The following DUSP16 variants were observed in gnomAD, a reference collection of about 807,000 sequenced individuals.
DUSP16 encodes dual specificity phosphatase 16, also known as dual specificity protein phosphatase 16.
DUSP16 carries 21 observed loss-of-function variants against 58.3 expected under a neutral mutation model. The observed-to-expected ratio is 0.36, with a 90% CI of 0.26 to 0.52. The LOEUF (loss-of-function observed/expected upper bound fraction) is 0.52, where lower values mean the gene tolerates loss of function less well. DUSP16 is among the 20% of genes least tolerant of loss of function. The pLI, the probability that DUSP16 is intolerant of heterozygous loss-of-function variation, is 0.94. For missense variants in DUSP16, 726 were observed against 819.0 expected, an observed-to-expected ratio of 0.89 and a Z score of 1.39; for synonymous variants, 320 against 323.8, an observed-to-expected ratio of 0.99 and a Z score of 0.12.
chr12:12,549,817 G>C (rs1944699732), intron 1 of DUSP16, among the ~76,000 whole-genome samples: 1 of 150,172 alleles, frequency 6.7e-6, no homozygotes, highest in African/African-American at 2.4e-5. Flanking sequence ...ACTTTTTTAT[G>C]TTATAAAGTG....
chr12:12,510,262 G>A (rs1414029885), intron 3 of DUSP16, among the ~76,000 whole-genome samples: 1 of 152,132 alleles, frequency 6.6e-6, no homozygotes, highest in East Asian at 1.9e-4. Flanking sequence ...AATGGATAAT[G>A]AAATGAGATT....
chr12:12,525,048 A>AT (rs1232678637), intron 1 of DUSP16, among the ~76,000 whole-genome samples: 2 of 152,170 alleles, frequency 1.3e-5, no homozygotes, highest in African/African-American at 2.4e-5. Flanking sequence ...TATTCCAAAG[A>AT]TTTTTTTAAA....
Position 12,477,534 on chromosome 12 carries a change from A to T in DUSP16, c.1297T>A (p.Ser433Thr). ...TTGTTGGTCCCATCCAGAGTAGTGGAAGGTTTGTAGTATTCCAAAGCATCT... is the reference window on the plus strand; with the variant it reads ...TTGTTGGTCCCATCCAGAGTAGTGGTAGGTTTGTAGTATTCCAAAGCATCT... ...SEDALEYYKP[S>T]TTLDGTNKLC... The change falls in exon 7 of 7, where the codon TCC becomes ACC. Residue 433 changes from serine to threonine, a missense_variant. Ser to Thr is a moderately conservative substitution (Grantham distance 58, BLOSUM62 1). Coordinates refer to ENST00000298573, the MANE Select transcript of DUSP16 (RefSeq NM_030640.3). This position sits in a 1 kb window ranked among gnomAD's most constrained non-coding sequence, Gnocchi z 4.1. The T allele has an allele frequency of 6.2e-7, 1 of 1,607,476 alleles. No individual in the cohort carries two copies. Among genetic ancestry groups the T allele is most frequent in the Non-Finnish European group, 8.5e-7 (1 of 1,175,862 alleles).
At chr12:12,542,388 GAA>G (rs56822339) in intron 1 of DUSP16, among the ~76,000 whole-genome samples, 39,447 of 109,724 alleles carry the variant, frequency 0.36, 6,289 homozygotes, top group East Asian at 0.46. Flanking sequence ...AAAGAAAAGA[GAA>G]AAAAAAAAAA....
intron 1 of DUSP16, among the ~76,000 whole-genome samples, chr12:12,531,577 A>G (rs1332162406): frequency 6.6e-6 from 1 of 152,244 alleles, no homozygotes; most frequent in Non-Finnish European, 1.5e-5. Context: ...ATGCATGAAA[A>G]AAGTCTACAC....
At chr12:12,558,762 G>A (rs1327828854) in intron 1 of DUSP16, among the ~76,000 whole-genome samples, 1 of 146,758 alleles carries the variant, frequency 6.8e-6, no homozygotes, top group East Asian at 2.0e-4. Context: ...CAAGAAGGGC[G>A]TGAAGTTTCA....
chr12:12,533,732 G>A (rs1944425223), intron 1 of DUSP16, among the ~76,000 whole-genome samples: 1 of 152,104 alleles, frequency 6.6e-6, no homozygotes, highest in Non-Finnish European at 1.5e-5. Context: ...AAAAGATACT[G>A]TGGACTAGGA....
At chr12:12,485,779 A>T (rs1592167069) in intron 5 of DUSP16, among the ~76,000 whole-genome samples, 1 of 144,322 alleles carries the variant, frequency 6.9e-6, no homozygotes, top group Admixed American at 7.2e-5. Flanking sequence ...GTGCCTGGCC[A>T]ATTCCACTTT....
intron 1 of DUSP16, among the ~76,000 whole-genome samples, chr12:12,559,498 T>C (rs568914971): frequency 6.6e-6 from 1 of 152,230 alleles, no homozygotes; most frequent in African/African-American, 2.4e-5. Flanking sequence ...CTTGAGAACT[T>C]AATGCATTTT....
intron 3 of DUSP16, 26 bp from the exon 4 acceptor site, chr12:12,500,708 A>T: frequency 6.6e-7 from 1 of 1,511,214 alleles, no homozygotes; most frequent in South Asian, 1.3e-5. Flanking sequence ...ATAAAATTAT[A>T]AAAAATTATG....
In DUSP16 at chr12:12,477,309, TC is replaced by T; in HGVS notation, c.1521del (p.Ser508AlafsTer46). 1 of 1,614,222 alleles carries T rather than the reference TC, an allele frequency of 6.2e-7. No individual in the cohort carries two copies. The highest frequency in any genetic ancestry group is 8.5e-7 in the Non-Finnish European group (1 of 1,180,048). On this transcript the variant is annotated frameshift_variant, in exon 7 of 7. Transcript: ENST00000298573. LOFTEE classifies it high-confidence loss of function. The surrounding 1 kb of genome is among the most constrained non-coding windows in gnomAD (Gnocchi z 4.1). ...RSLLSPLHRS[G>X]SVEDNYHTSF... ...CTGGTGTGGTAATTGTCCTCCACGC[TC>T]CCACTTCGATGCAGTGGAGATAAAA...
intron 1 of DUSP16, among the ~76,000 whole-genome samples, chr12:12,555,680 G>C (rs1458409868): frequency 1.3e-5 from 2 of 152,074 alleles, no homozygotes; most frequent in Non-Finnish European, 2.9e-5. Context: ...AAATATTTTT[G>C]AGGAGTACAA....
At chr12:12,534,146 AT>A (rs964029356) in intron 1 of DUSP16, among the ~76,000 whole-genome samples, 39 of 152,226 alleles carry the variant, frequency 2.6e-4, no homozygotes, top group African/African-American at 9.4e-4. Context: ...CCCTTTGGGG[AT>A]TTTGTTACTC....
intron 5 of DUSP16, among the ~76,000 whole-genome samples, chr12:12,486,360 C>T (rs1252102601): frequency 1.3e-5 from 2 of 152,090 alleles, no homozygotes; most frequent in Non-Finnish European, 1.5e-5. Flanking sequence ...ACCAAAATGC[C>T]TCAGCAGTAA....
chr12:12,532,027 G>A (rs1172845324), intron 1 of DUSP16, among the ~76,000 whole-genome samples: 5 of 151,340 alleles, frequency 3.3e-5, no homozygotes, highest in African/African-American at 1.2e-4. Flanking sequence ...GCGCGGTGGC[G>A]GGCGCCTGTG....
At chr12:12,486,805 TTAAA>T (rs1009548447) in intron 5 of DUSP16, among the ~76,000 whole-genome samples, 4 of 152,172 alleles carry the variant, frequency 2.6e-5, no homozygotes, top group African/African-American at 9.7e-5. Flanking sequence ...CTTGGTGGTG[TTAAA>T]TGTTAGCTAG....
intron 1 of DUSP16, among the ~76,000 whole-genome samples, chr12:12,526,769 A>G (rs757135425): frequency 1.1e-4 from 16 of 152,208 alleles, no homozygotes; most frequent in Non-Finnish European, 2.1e-4. Flanking sequence ...GACACTGACT[A>G]TATCCCACTC....
At chr12:12,500,921 C>T (rs1032731892) in intron 3 of DUSP16, among the ~76,000 whole-genome samples, 1 of 152,162 alleles carries the variant, frequency 6.6e-6, no homozygotes, top group African/African-American at 2.4e-5. Context: ...TGACTCCTCT[C>T]TCTCAGATAT....
chr12:12,485,598 G>A (rs907768990), intron 5 of DUSP16, among the ~76,000 whole-genome samples: 6 of 152,140 alleles, frequency 3.9e-5, no homozygotes, highest in East Asian at 1.9e-4. Context: ...TGCAACCTCC[G>A]CCTCCTGGCT....
Sources: gnomAD v4.1 joint callset for allele counts (sites outside exome capture counted in the v4.1 genomes callset) on GRCh38, gnomAD v4.1.1 for gene constraint, Gnocchi (gnomAD v3.1) non-coding constraint, MANE v1.5 for transcripts, NCBI Gene and HGNC (gene_info 2026-07-23, HGNC 2026-07-21) for gene names.